MYOM2: variants seen among roughly 807,000 people sequenced by gnomAD.
MYOM2 encodes myomesin 2.
Under a neutral mutation model 187.6 loss-of-function variants are expected in MYOM2, and 254 were observed. The observed-to-expected ratio is 1.35, with a 90% CI of 1.22 to 1.50. MYOM2 has a LOEUF of 1.50. Among genes scored for constraint, MYOM2 ranks in the 40% most tolerant of loss-of-function variants. The probability of loss-of-function intolerance (pLI) is 0.00; values close to 1 mark genes in which losing one functional copy is unlikely to be tolerated. For synonymous variants in MYOM2, 981 were observed against 753.8 expected (o/e 1.30, Z -4.94); for missense variants, 2,796 against 1,924.0 (o/e 1.45, Z -8.48).
At chr8:2,057,896 A>C in intron 5 of MYOM2, 116 bp downstream of exon 5, 2 of 1,031,596 alleles carry the variant, frequency 1.9e-6, no homozygotes, top group Admixed American at 3.0e-5. Flanking sequence ...TTACCTTGAA[A>C]CTCTAAGCAG....
At chr8:2,064,049 A>G (rs950084754) in intron 6 of MYOM2, among the ~76,000 whole-genome samples, 4 of 152,170 alleles carry the variant, frequency 2.6e-5, no homozygotes, top group African/African-American at 7.2e-5. Context: ...GTCCTTTGGA[A>G]ACTGCCCATG....
intron 8 of MYOM2, among the ~76,000 whole-genome samples, chr8:2,070,582 G>T (rs1181792864): frequency 6.6e-6 from 1 of 151,966 alleles, no homozygotes; most frequent in Non-Finnish European, 1.5e-5. Context: ...TGATGAGCTG[G>T]GCAGGTCCTG....
chr8:2,055,932 C>T (rs893334762), intron 3 of MYOM2, among the ~76,000 whole-genome samples: 2 of 152,198 alleles, frequency 1.3e-5, no homozygotes, highest in South Asian at 2.1e-4. Context: ...GTGCCACAGG[C>T]GGCGCTCCGG....
At position 2,101,065 on chromosome 8, in the gene MYOM2, G is replaced by A. The variant is rs774855629; in HGVS notation, c.2619+11G>A. On this transcript the variant is annotated intron_variant, in intron 20 of 36. Transcript: ENST00000262113. ...AGCCGTTATTTAAAGGTAAGTCTTG[G>A]CCGGCTGTGGTGGCTCATGCCTGTA... 1.2e-6 allele frequency: 2 copies of A among 1,613,372 alleles called. No individual in the cohort carries two copies. The highest frequency in any genetic ancestry group is 1.7e-6 in the Non-Finnish European group (2 of 1,179,626).
intron 3 of MYOM2, among the ~76,000 whole-genome samples, chr8:2,054,802 G>A (rs539932624): frequency 6.6e-6 from 1 of 152,322 alleles, no homozygotes; most frequent in African/African-American, 2.4e-5. Context: ...CTGTAAGAAG[G>A]CTTGTTCCCT....
intron 6 of MYOM2, among the ~76,000 whole-genome samples, chr8:2,066,750 T>G (rs1563425134): frequency 6.6e-6 from 1 of 152,200 alleles, no homozygotes; most frequent in African/African-American, 2.4e-5. Flanking sequence ...CAGCACAGGT[T>G]GTTAATGCTT....
intron 12 of MYOM2, 135 bp downstream of exon 12, chr8:2,079,068 T>G: frequency 2.5e-6 from 2 of 792,604 alleles, no homozygotes; most frequent in Admixed American, 2.5e-5. Flanking sequence ...GCACAGGCTG[T>G]TACAACGTTC....
intron 7 of MYOM2, 35 bp downstream of exon 7, chr8:2,069,401 C>A (rs374648963): frequency 2.5e-6 from 4 of 1,613,846 alleles, no homozygotes; most frequent in Middle Eastern, 1.7e-4. Flanking sequence ...GGGCACCTCC[C>A]GCCTCCTTTT....
chr8:2,087,296 G>A (rs1037537240), intron 14 of MYOM2, among the ~76,000 whole-genome samples: 19 of 152,076 alleles, frequency 1.2e-4, no homozygotes, highest in Admixed American at 2.6e-4. Flanking sequence ...TACAATAATC[G>A]CATCTAGCAC....
chr8:2,086,388 C>CATGATCTCTGGCACT (rs1796057287), intron 14 of MYOM2, among the ~76,000 whole-genome samples: 5 of 114,952 alleles, frequency 4.3e-5, no homozygotes, highest in African/African-American at 9.0e-5. Context: ...TGCGTGGCCT[C>CATGATCTCTGGCACT]CCACTGTTGT....
In MYOM2 at chr8:2,144,647, A is replaced by C; in HGVS notation, c.4081-17A>C. On this transcript the variant is annotated splice_polypyrimidine_tract_variant and intron_variant, in intron 36 of 36. Coordinates refer to ENST00000262113, the MANE Select transcript of MYOM2 (RefSeq NM_003970.4). Reference sequence around the variant, plus strand: ...TTTTCTAACTCTTCCTTCTCCACCAACCTCTTCCGTCCAAAGACCTTGAAT... The same window carrying C: ...TTTTCTAACTCTTCCTTCTCCACCACCCTCTTCCGTCCAAAGACCTTGAAT... The C allele has an allele frequency of 6.2e-7, 1 of 1,610,924 alleles. No individual in the cohort carries two copies. Among genetic ancestry groups the C allele is most frequent in the Non-Finnish European group, 8.5e-7 (1 of 1,179,320 alleles).
At chr8:2,143,975 G>A (rs1282156294) in intron 36 of MYOM2, among the ~76,000 whole-genome samples, 1 of 152,258 alleles carries the variant, frequency 6.6e-6, no homozygotes, top group Non-Finnish European at 1.5e-5. Context: ...CCTGTCGGGA[G>A]AATTATTGAT....
chr8:2,141,256 G>C (rs1798265179), intron 34 of MYOM2, 79 bp downstream of exon 34: 7 of 1,288,870 alleles, frequency 5.4e-6, no homozygotes, highest in South Asian at 5.0e-5. Context: ...GTGGGAATCT[G>C]TATGGAAGCC....
chr8:2,120,689 A>AATATATATTTCTAATAT (rs1554432195), intron 28 of MYOM2, among the ~76,000 whole-genome samples: 1 of 42,416 alleles, frequency 2.4e-5, no homozygotes, highest in Non-Finnish European at 4.7e-5. Flanking sequence ...ATTATATATA[A>AATATATATTTCTAATAT]ATATATAATA....
chr8:2,083,414 C>T (rs4875916), intron 13 of MYOM2, among the ~76,000 whole-genome samples: 40,172 of 150,786 alleles, frequency 0.27, 5,459 homozygotes, highest in East Asian at 0.33. Flanking sequence ...TGGCATCTCA[C>T]GTGTGCTTAG....
chr8:2,105,014 G>A (rs1796844587), intron 21 of MYOM2, among the ~76,000 whole-genome samples: 1 of 152,200 alleles, frequency 6.6e-6, no homozygotes, highest in Non-Finnish European at 1.5e-5. Flanking sequence ...CTGAGCTCAA[G>A]CGATCCTCTG....
rs74964822 is a variant in MYOM2 at position 2,059,315 on chromosome 8, C to T, written c.653+70C>T. 1,258 of 1,423,028 alleles carry T rather than the reference C, an allele frequency of 8.8e-4. 4 individuals carry two copies. In the African/African-American group the frequency reaches 0.012, roughly 14 times the overall value. 88.2% of individuals were successfully genotyped at this position (1,423,028 alleles called of 1,614,324 possible). ...GCATTGCAGACCCCAAAGAAGAAGT[C>T]AGATGGGTAACTGGAGGCCAAATCA... On this transcript the variant is annotated intron_variant, in intron 6 of 36. Coordinates refer to ENST00000262113, the MANE Select transcript of MYOM2 (RefSeq NM_003970.4).
At chr8:2,063,032 T>C (rs1020851029) in intron 6 of MYOM2, among the ~76,000 whole-genome samples, 24 of 152,206 alleles carry the variant, frequency 1.6e-4, no homozygotes, top group African/African-American at 5.5e-4. Context: ...TCTGATGGAC[T>C]TGGATTTTGC....
chr8:2,109,276 C>T (rs1280820081), intron 24 of MYOM2, 119 bp from the exon 25 acceptor site: 1 of 1,181,116 alleles, frequency 8.5e-7, no homozygotes, highest in Non-Finnish European at 1.2e-6. Flanking sequence ...TCTAATACTC[C>T]AGGGTTTCAC....
Sources: gnomAD v4.1 joint callset for allele counts (sites outside exome capture counted in the v4.1 genomes callset) on GRCh38, gnomAD v4.1.1 for gene constraint, MANE v1.5 for transcripts, NCBI Gene and HGNC (gene_info 2026-07-23, HGNC 2026-07-21) for gene names.